Variants in CNPY1 observed in about 807,000 individuals in gnomAD.
The protein encoded by CNPY1 is protein canopy homolog 1.
Under a neutral mutation model 14.4 loss-of-function variants are expected in CNPY1, and 14 were observed. The observed-to-expected ratio is 0.97, with a 90% CI of 0.64 to 1.52. The LOEUF (loss-of-function observed/expected upper bound fraction) is 1.52, where lower values mean the gene tolerates loss of function less well. Among genes scored for constraint, CNPY1 ranks in the 40% most tolerant of loss-of-function variants. The pLI is 0.00. For synonymous variants in CNPY1, 43 were observed against 46.5 expected, an observed-to-expected ratio of 0.92 and a Z score of 0.31; for missense variants, 129 against 131.5, an observed-to-expected ratio of 0.98 and a Z score of 0.09.
intron 2 of CNPY1, among the ~76,000 whole-genome samples, chr7:155,523,457 G>A (rs952806676): frequency 2.6e-5 from 4 of 152,172 alleles, no homozygotes; most frequent in Admixed American, 6.5e-5. Context: ...GCACACTGCC[G>A]GCCACCAGGG....
chr7:155,536,698 A>G lies in CNPY1; in HGVS notation c.99+9133T>C, dbSNP rs1178396529. Among the ~76,000 whole-genome samples, 1 of 152,150 alleles carries G rather than the reference A, an allele frequency of 6.6e-6. No individual in the cohort carries two copies. Among genetic ancestry groups the G allele is most frequent in the Non-Finnish European group, 1.5e-5 (1 of 68,022 alleles). On this transcript the variant is annotated intron_variant, in intron 2 of 4. Coordinates refer to ENST00000636446, the MANE Select transcript of CNPY1 (RefSeq NM_001393663.1). The surrounding 1 kb of genome is among the most constrained non-coding windows in gnomAD (Gnocchi z 4.1). Reference sequence around the variant, plus strand: ...TCGGGCTTGGAGGAGGAGGAGCCACAAGACAGAAGGGCCTGGGTCCCTGAA... The same window carrying G: ...TCGGGCTTGGAGGAGGAGGAGCCACGAGACAGAAGGGCCTGGGTCCCTGAA...
intron 2 of CNPY1, among the ~76,000 whole-genome samples, chr7:155,512,338 C>T (rs1206674162): frequency 6.6e-6 from 1 of 152,186 alleles, no homozygotes; most frequent in Non-Finnish European, 1.5e-5. Context: ...AGTACCCAAG[C>T]ACTCCAAGTC....
intron 2 of CNPY1, among the ~76,000 whole-genome samples, chr7:155,531,342 G>A (rs186092008): frequency 1.1e-4 from 17 of 152,376 alleles, no homozygotes; most frequent in African/African-American, 4.1e-4. Flanking sequence ...CGTGCTAAAT[G>A]TTGATGTTTT....
intron 2 of CNPY1, chr7:155,533,859 G>A (rs1298090914): frequency 6.6e-6 from 1 of 152,148 alleles, no homozygotes; most frequent in Non-Finnish European, 1.5e-5. Flanking sequence ...CCACCAAGAG[G>A]ATTAAAAATA....
At chr7:155,510,382 C>T (rs575747467) in intron 2 of CNPY1, 1 of 152,224 alleles carries the variant, frequency 6.6e-6, no homozygotes, top group Non-Finnish European at 1.5e-5. Context: ...AATAAGGAAG[C>T]CACTTTGTCA....
intron 2 of CNPY1, among the ~76,000 whole-genome samples, chr7:155,512,228 T>C (rs1796545053): frequency 6.6e-6 from 1 of 152,202 alleles, no homozygotes; most frequent in Non-Finnish European, 1.5e-5. Context: ...ACCCACGCAC[T>C]GGCACAGTTT....
At chr7:155,521,122 C>T (rs1257643517) in intron 2 of CNPY1, among the ~76,000 whole-genome samples, 1 of 149,902 alleles carries the variant, frequency 6.7e-6, no homozygotes, top group Non-Finnish European at 1.5e-5. Context: ...CTCCCCTCCC[C>T]TCAGAAGCTC....
At position 155,503,109 on chromosome 7, in the gene CNPY1, G is replaced by GAAAA. The variant is rs35244674; in HGVS notation, c.401-8_401-5dup. 3 of 1,441,130 alleles carry GAAAA rather than the reference G, an allele frequency of 2.1e-6. No homozygotes were observed. The highest frequency in any genetic ancestry group is 1.9e-5 in the Admixed American group (1 of 52,856). The allele number at this position is 1,441,130 out of a possible 1,614,324, so 89.3% of individuals were successfully genotyped here. ...TTAGCAGAAGTTTCACACAGATCTG[G>GAAAA]AAAAAAAAAAAAAAGTAGATAGCAT... On this transcript the variant is annotated splice_region_variant and splice_polypyrimidine_tract_variant and intron_variant, in intron 4 of 4. Transcript: ENST00000636446.
At position 155,539,714 on chromosome 7, in the gene CNPY1, GTGTGTTA is replaced by G. The variant is rs1332106310; in HGVS notation, c.99+6110_99+6116del. 4.3e-4 allele frequency among the ~76,000 whole-genome samples: 66 copies of G among 152,346 alleles called. 1 individual carries two copies. The highest frequency in any genetic ancestry group is 1.5e-3 in the African/African-American group (63 of 41,582). ...GGGAAAAAAGCAGACAAACATTCAT[GTGTGTTA>G]GCATGGGAGCCATATGAAATATGAG... On this transcript the variant is annotated intron_variant, in intron 2 of 4. Transcript: ENST00000636446.
intron 2 of CNPY1, 73 bp from the exon 3 acceptor site, chr7:155,509,170 C>G (rs1222717459): frequency 3.8e-6 from 3 of 798,718 alleles, no homozygotes; most frequent in African/African-American, 1.7e-5. Context: ...GGCGAGTCCA[C>G]ATGGAAACGC....
chr7:155,508,078 C>T (rs980684634), intron 3 of CNPY1, among the ~76,000 whole-genome samples: 1 of 152,190 alleles, frequency 6.6e-6, no homozygotes, highest in Non-Finnish European at 1.5e-5. Flanking sequence ...TCGGCTAAAG[C>T]CCTTATTTCA....
rs548161040 is a variant in CNPY1 at position 155,502,696 on chromosome 7, C to T, written c.*372G>A. 6 of 187,316 alleles carry T rather than the reference C, an allele frequency of 3.2e-5. No individual in the cohort carries two copies. The highest frequency in any genetic ancestry group is 6.6e-5 in the Non-Finnish European group (6 of 91,268). The allele number at this position is 187,316 out of a possible 1,614,324, so 11.6% of individuals were successfully genotyped here. On this transcript the variant is annotated 3_prime_UTR_variant, in exon 5 of 5. Transcript: ENST00000636446. ...TCCAGTTCTTATCAGACAGCCACTGCGCTTGCATATGTGCACATACACTGT... is the reference window on the plus strand; with the variant it reads ...TCCAGTTCTTATCAGACAGCCACTGTGCTTGCATATGTGCACATACACTGT...
chr7:155,507,577 T>TGTGAAA (rs1796370609), intron 3 of CNPY1, among the ~76,000 whole-genome samples: 1 of 149,660 alleles, frequency 6.7e-6, no homozygotes, highest in Admixed American at 6.7e-5. Flanking sequence ...GGCTTGAAAG[T>TGTGAAA]GTGAAAACAA....
At chr7:155,521,716 G>A (rs1796728822) in intron 2 of CNPY1, among the ~76,000 whole-genome samples, 2 of 152,234 alleles carry the variant, frequency 1.3e-5, no homozygotes, top group South Asian at 4.1e-4. Context: ...AAATTTCATT[G>A]TCCATACATA....
intron 2 of CNPY1, among the ~76,000 whole-genome samples, chr7:155,517,346 C>T (rs185701582): frequency 2.6e-5 from 4 of 152,316 alleles, no homozygotes; most frequent in Admixed American, 2.6e-4. Flanking sequence ...AGCCCTGAGA[C>T]ACCTTGATCC....
chr7:155,536,107 G>C lies in CNPY1; in HGVS notation c.99+9724C>G, dbSNP rs1362739700. ...CTGGGCTGGGCTGTCCTCACCTGGC[G>C]GGGTCAGAGGCAGTGGGGATCCAGG... On this transcript the variant is annotated intron_variant, in intron 2 of 4. Coordinates refer to ENST00000636446, the MANE Select transcript of CNPY1 (RefSeq NM_001393663.1). The surrounding 1 kb of genome is among the most constrained non-coding windows in gnomAD (Gnocchi z 4.1). Among the ~76,000 whole-genome samples, 1 of 152,162 alleles carries C rather than the reference G, an allele frequency of 6.6e-6. No homozygotes were observed. The highest frequency in any genetic ancestry group is 6.5e-5 in the Admixed American group (1 of 15,280).
intron 2 of CNPY1, among the ~76,000 whole-genome samples, chr7:155,540,790 C>G (rs1401210351): frequency 6.6e-6 from 1 of 152,184 alleles, no homozygotes; most frequent in Non-Finnish European, 1.5e-5. Flanking sequence ...ATGTGAGCCC[C>G]TCGACTCCAG....
intron 2 of CNPY1, among the ~76,000 whole-genome samples, chr7:155,534,627 G>A (rs181425826): frequency 1.3e-5 from 2 of 152,322 alleles, no homozygotes; most frequent in East Asian, 3.9e-4. Context: ...CCACTGCACT[G>A]AGCGAGGCAG....
At chr7:155,527,059 T>TTCTTTCTTTCTTTC (rs1585323187) in intron 2 of CNPY1, among the ~76,000 whole-genome samples, 1 of 141,806 alleles carries the variant, frequency 7.1e-6, no homozygotes, top group East Asian at 2.1e-4. Context: ...TCTTTCTTTT[T>TTCTTTCTTTCTTTC]TTTTTTTTTT....
Sources: allele counts gnomAD v4.1 joint callset (sites outside exome capture counted in the v4.1 genomes callset), GRCh38; gene constraint gnomAD v4.1.1; non-coding constraint Gnocchi (gnomAD v3.1); transcripts MANE v1.5; gene names NCBI Gene and HGNC (gene_info 2026-07-23, HGNC 2026-07-21).